ABCC9: variants seen among roughly 807,000 people sequenced by gnomAD.
ABCC9 encodes ATP-binding cassette sub-family C member 9.
A neutral mutation model predicts 188.3 loss-of-function variants in ABCC9; 95 were observed. The ratio of observed to expected loss-of-function variants is 0.50; its 90% CI spans 0.43 to 0.60. The LOEUF is 0.60. Among genes scored for constraint, ABCC9 ranks in the 20% least tolerant of loss-of-function variants. ABCC9 has a pLI of 0.00. For synonymous variants in ABCC9, 659 were observed against 652.7 expected (o/e 1.01, Z -0.15); for missense variants, 1,102 against 1,876.3 (o/e 0.59, Z 7.62).
chr12:21,875,725 AC>A lies in ABCC9; in HGVS notation c.2020del (p.Val674SerfsTer12). On this transcript the variant is annotated frameshift_variant and splice_region_variant, in exon 17 of 40. Transcript: ENST00000261200. LOFTEE classifies it high-confidence loss of function. The stretch of plus-strand genomic sequence containing the variant: ...GCCCCATGAAAAGTATCCATTTGTG[AC>A]CTACAAAATAAAAATACAGAAATTA... The part of the protein sequence containing the change: ...PAETEDIAIK[V>X]TNGYFSWGSG... 2 of 1,605,390 alleles carry A rather than the reference AC, an allele frequency of 1.2e-6. No individual in the cohort carries two copies. The highest frequency in any genetic ancestry group is 8.5e-7 in the Non-Finnish European group (1 of 1,172,294).
intron 7 of ABCC9, 59 bp downstream of exon 7, chr12:21,915,609 T>A (rs553441449): frequency 3.1e-5 from 49 of 1,588,610 alleles, no homozygotes; most frequent in Non-Finnish European, 3.8e-5. Flanking sequence ...GCCTCCCAGG[T>A]TCATGCCAAC....
chr12:21,927,448 G>C (rs1949086311), intron 4 of ABCC9, among the ~76,000 whole-genome samples: 1 of 152,192 alleles, frequency 6.6e-6, no homozygotes, highest in Non-Finnish European at 1.5e-5. Context: ...ATAAAGGTCT[G>C]ACTTCAGCTT....
intron 31 of ABCC9, among the ~76,000 whole-genome samples, chr12:21,820,478 G>T (rs1492133): frequency 4.2e-4 from 63 of 151,780 alleles, no homozygotes; most frequent in Non-Finnish European, 8.1e-4. Flanking sequence ...AAACTCAGAT[G>T]GGTGACAAAG....
In ABCC9 at chr12:21,864,472, T is replaced by C. The variant is rs1437397303; in HGVS notation, c.2204A>G (p.Asn735Ser). 1.3e-6 allele frequency: 2 copies of C among 1,591,586 alleles called. No homozygotes were observed. Among genetic ancestry groups the C allele is most frequent in the Non-Finnish European group, 8.6e-7 (1 of 1,159,818 alleles). ...LEGKVHWSNV[N>S]ESEPSFEATR... ...TGCTTCAAAAGAAGGCTCAGATTCATTTACACTGCAAGTATGGCAAACAAT... is the reference window on the plus strand; with the variant it reads ...TGCTTCAAAAGAAGGCTCAGATTCACTTACACTGCAAGTATGGCAAACAAT... Residue 735 changes from asparagine to serine, a missense_variant, in exon 19 of 40, where the codon AAT becomes AGT. Around this residue, in one of 12 missense-constraint regions of ABCC9, gnomAD observed 258 missense variants for 325.6 expected, o/e 0.79. Coordinates refer to ENST00000261200, the MANE Select transcript of ABCC9 (RefSeq NM_020297.4).
In ABCC9 at chr12:21,864,481, C is replaced by A; in HGVS notation, c.2199-4G>T. On this transcript the variant is annotated splice_region_variant and splice_polypyrimidine_tract_variant and intron_variant, in intron 18 of 39. Coordinates refer to ENST00000261200, the MANE Select transcript of ABCC9 (RefSeq NM_020297.4). The stretch of plus-strand genomic sequence containing the variant: ...AGAAGGCTCAGATTCATTTACACTG[C>A]AAGTATGGCAAACAATGTTCATTAA... 1 of 1,580,552 alleles carries A rather than the reference C, an allele frequency of 6.3e-7. No homozygotes were observed. Among genetic ancestry groups the A allele is most frequent in the Non-Finnish European group, 8.7e-7 (1 of 1,149,716 alleles).
At chr12:21,865,251 G>T (rs1945723647) in intron 18 of ABCC9, among the ~76,000 whole-genome samples, 2 of 152,186 alleles carry the variant, frequency 1.3e-5, no homozygotes, top group African/African-American at 4.8e-5. Context: ...GCAAAATGTT[G>T]TATGTTTTTG....
rs371827649 is a variant in ABCC9 at position 21,879,271 on chromosome 12, T to C, written c.2019+3495A>G. 1.6e-4 allele frequency among the ~76,000 whole-genome samples: 25 copies of C among 152,216 alleles called. No individual in the cohort carries two copies. In the East Asian group the frequency reaches 4.6e-3, roughly 28 times the overall value. On this transcript the variant is annotated intron_variant, in intron 16 of 39. Coordinates refer to ENST00000261200, the MANE Select transcript of ABCC9 (RefSeq NM_020297.4). ...TCTATAATGATGGGGGTAGGAGGTA[T>C]GTATATTGGGGATGAGGTGACTTTG...
At chr12:21,937,515 G>A (rs1253584347) in intron 2 of ABCC9, among the ~76,000 whole-genome samples, 1 of 152,056 alleles carries the variant, frequency 6.6e-6, no homozygotes, top group African/African-American at 2.4e-5. Context: ...GGGATTCCGG[G>A]GCAGAGGAGT....
At chr12:21,827,289 T>C (rs1943435829) in intron 31 of ABCC9, 1 of 985,210 alleles carries the variant, frequency 1.0e-6, no homozygotes, top group Admixed American at 6.2e-5. Context: ...TCAACACTTA[T>C]CCATTAATCT....
intron 29 of ABCC9, among the ~76,000 whole-genome samples, chr12:21,838,893 G>C (rs1185187400): frequency 6.6e-6 from 1 of 152,144 alleles, no homozygotes; most frequent in African/African-American, 2.4e-5. Context: ...AGCCGTGGTG[G>C]TGCACACCAG....
rs549796150 is a variant in ABCC9, at chr12:21,841,882, T to C, written c.3473+432A>G. Among the ~76,000 whole-genome samples the C allele has an allele frequency of 2.4e-4, 36 of 152,236 alleles. 2 individuals carry two copies. The South Asian group carries it at 6.8e-3, about 29-fold the overall frequency. ...TAGATTTCATTATGTTTCATATAGG[T>C]TGCATTTCTAAATTCCACATCTTAT... On this transcript the variant is annotated intron_variant, in intron 29 of 39. Transcript: ENST00000261200.
At chr12:21,862,833 C>T (rs1024985570) in intron 20 of ABCC9, 120 bp downstream of exon 20, 6 of 704,202 alleles carry the variant, frequency 8.5e-6, no homozygotes, top group African/African-American at 3.6e-5. Flanking sequence ...AGGATGAAAA[C>T]GGGGCCAGCA....
At chr12:21,828,175 T>C (rs1358409886) in intron 31 of ABCC9, among the ~76,000 whole-genome samples, 1 of 152,208 alleles carries the variant, frequency 6.6e-6, no homozygotes, top group Admixed American at 6.5e-5. Flanking sequence ...AGCTTATCCA[T>C]GTTCCGGATC....
At chr12:21,829,098 G>A (rs1347370810) in intron 30 of ABCC9, 38 bp from the exon 31 acceptor site, 1 of 1,453,142 alleles carries the variant, frequency 6.9e-7, no homozygotes, top group Admixed American at 1.7e-5. Flanking sequence ...CCACACAACA[G>A]GAGAGGTAAT....
chr12:21,829,358 T>A (rs371636713), intron 30 of ABCC9, among the ~76,000 whole-genome samples: 1 of 151,904 alleles, frequency 6.6e-6, no homozygotes, highest in African/African-American at 2.4e-5. Flanking sequence ...CCCGCCACCA[T>A]GCCCGGCTAA....
intron 26 of ABCC9, 122 bp downstream of exon 26, chr12:21,845,481 T>C: frequency 2.6e-6 from 2 of 755,152 alleles, no homozygotes; most frequent in Non-Finnish European, 4.5e-6. Context: ...ATTATTAACT[T>C]ATTAAATTAT....
intron 31 of ABCC9, among the ~76,000 whole-genome samples, chr12:21,826,576 G>T (rs1943393770): frequency 6.6e-6 from 1 of 152,192 alleles, no homozygotes; most frequent in South Asian, 2.1e-4. Flanking sequence ...AAATACACCT[G>T]GTTCCAATGA....
chr12:21,915,411 G>GTGTATATATGTATGTGTATATAT, intron 7 of ABCC9, among the ~76,000 whole-genome samples: 1 of 123,694 alleles, frequency 8.1e-6, no homozygotes, highest in South Asian at 2.7e-4. Flanking sequence ...TGTGTATATA[G>GTGTATATATGTATGTGTATATAT]ACACGTGTAT....
chr12:21,923,400 A>T (rs1797154420), intron 5 of ABCC9: 1 of 152,296 alleles, frequency 6.6e-6, no homozygotes, highest in South Asian at 2.1e-4. Context: ...AACTGATGAC[A>T]TACTAATATC....
Sources: allele counts gnomAD v4.1 joint callset (sites outside exome capture counted in the v4.1 genomes callset), GRCh38; gene constraint gnomAD v4.1.1; regional missense constraint gnomAD v4.1.1; transcripts MANE v1.5; gene names NCBI Gene and HGNC (gene_info 2026-07-23, HGNC 2026-07-21).